The following SESTD1 variants were observed in gnomAD, a reference collection of about 807,000 sequenced individuals.
The protein encoded by SESTD1 is SEC14 domain and spectrin repeat-containing protein 1.
In SESTD1, 43 loss-of-function variants were observed where a neutral mutation model predicts 101.7. That is an observed-to-expected ratio of 0.42 (90% CI 0.33 to 0.55). The LOEUF is 0.55. Among genes scored for constraint, SESTD1 ranks in the 20% least tolerant of loss-of-function variants. The pLI is 0.07. For synonymous variants in SESTD1, 283 were observed against 286.8 expected (o/e 0.99, Z 0.13); for missense variants, 647 against 815.1 (o/e 0.79, Z 2.51).
intron 5 of SESTD1, 116 bp from the exon 6 acceptor site, chr2:179,151,507 C>T: frequency 1.8e-6 from 1 of 555,228 alleles, no homozygotes; most frequent in Non-Finnish European, 3.0e-6. Flanking sequence ...CATGATGACA[C>T]ATTATCATTT....
At chr2:179,200,844 T>TG (rs2046498502) in intron 1 of SESTD1, among the ~76,000 whole-genome samples, 2 of 134,320 alleles carry the variant, frequency 1.5e-5, no homozygotes, top group Admixed American at 1.4e-4. Context: ...GGCATTACCA[T>TG]TCAGGACATA....
chr2:179,221,985 A>G (rs189697882), intron 1 of SESTD1, among the ~76,000 whole-genome samples: 22 of 152,320 alleles, frequency 1.4e-4, no homozygotes, highest in African/African-American at 4.6e-4. Flanking sequence ...CTACTGAAAC[A>G]ATAGAACATT....
chr2:179,246,005 G>C (rs1314436577), intron 1 of SESTD1, among the ~76,000 whole-genome samples: 1 of 151,986 alleles, frequency 6.6e-6, no homozygotes, highest in Non-Finnish European at 1.5e-5. Flanking sequence ...GCCTATAATC[G>C]CAACACTTTG....
intron 1 of SESTD1, among the ~76,000 whole-genome samples, chr2:179,216,835 T>G (rs1358108562): frequency 7.4e-6 from 1 of 135,464 alleles, no homozygotes; most frequent in Non-Finnish European, 1.6e-5. Context: ...ACCACACATC[T>G]ACAACCATCT....
chr2:179,192,083 T>C (rs2046327770), intron 1 of SESTD1, among the ~76,000 whole-genome samples: 1 of 152,144 alleles, frequency 6.6e-6, no homozygotes, highest in South Asian at 2.1e-4. Context: ...CCACCTCCCT[T>C]TCCCAGCTGT....
At chr2:179,182,342 T>C (rs2046128787) in intron 3 of SESTD1, among the ~76,000 whole-genome samples, 3 of 152,006 alleles carry the variant, frequency 2.0e-5, no homozygotes, top group Admixed American at 6.6e-5. Flanking sequence ...ACATTAGAAA[T>C]ACACAGGAAG....
intron 10 of SESTD1, among the ~76,000 whole-genome samples, chr2:179,126,081 A>G (rs780636622): frequency 6.6e-6 from 1 of 152,262 alleles, no homozygotes; most frequent in Non-Finnish European, 1.5e-5. Flanking sequence ...AATTTATTAA[A>G]CAATAAAATA....
At chr2:179,128,738 AAAAG>A (rs1004818603) in intron 10 of SESTD1, among the ~76,000 whole-genome samples, 18 of 151,708 alleles carry the variant, frequency 1.2e-4, no homozygotes, top group African/African-American at 3.6e-4. Flanking sequence ...AAAAAAAAAA[AAAAG>A]AAAAGAAAAA....
chr2:179,150,665 C>CA (rs1375224893), intron 6 of SESTD1, among the ~76,000 whole-genome samples: 3 of 151,886 alleles, frequency 2.0e-5, no homozygotes, highest in Non-Finnish European at 2.9e-5. Context: ...GCTAAAAATA[C>CA]AAAAATTAGC....
At chr2:179,156,476 C>T (rs528765223) in intron 5 of SESTD1, among the ~76,000 whole-genome samples, 1 of 152,280 alleles carries the variant, frequency 6.6e-6, no homozygotes, top group South Asian at 2.1e-4. Flanking sequence ...TCCCTGATCA[C>T]GGCATTCACG....
In SESTD1 at chr2:179,127,318, C is replaced by T. The variant is rs76426605; in HGVS notation, c.973-2760G>A. ...ATTAAATGTCATCTCCTCAGAGAGG[C>T]CTTTCCTAAAATCTATACCTATATT... On this transcript the variant is annotated intron_variant, in intron 10 of 17. Coordinates refer to ENST00000428443, the MANE Select transcript of SESTD1 (RefSeq NM_178123.5). Among the ~76,000 whole-genome samples, 427 of 152,314 alleles carry T rather than the reference C, an allele frequency of 2.8e-3. 2 individuals carry two copies. The highest frequency in any genetic ancestry group is 1.0e-2 in the African/African-American group (414 of 41,568).
At chr2:179,153,236 T>G (rs1300277606) in intron 5 of SESTD1, among the ~76,000 whole-genome samples, 3 of 152,136 alleles carry the variant, frequency 2.0e-5, no homozygotes, top group African/African-American at 4.8e-5. Context: ...CATTAGATTC[T>G]TTATGTTTTC....
intron 1 of SESTD1, among the ~76,000 whole-genome samples, chr2:179,256,138 A>T (rs186818169): frequency 6.6e-6 from 1 of 152,378 alleles, no homozygotes; most frequent in East Asian, 1.9e-4. Flanking sequence ...TGCTGACACA[A>T]AAGTCATTCT....
intron 10 of SESTD1, among the ~76,000 whole-genome samples, chr2:179,128,727 CAAAAAAAA>C (rs747412908): frequency 1.4e-5 from 1 of 73,704 alleles, no homozygotes; most frequent in Admixed American, 1.6e-4. Context: ...GACACTGTCT[CAAAAAAAA>C]AAAAAAGAAA....
At chr2:179,245,456 C>A (rs1436964368) in intron 1 of SESTD1, among the ~76,000 whole-genome samples, 1 of 137,410 alleles carries the variant, frequency 7.3e-6, no homozygotes, top group Non-Finnish European at 1.5e-5. Context: ...AGGGAGGTTG[C>A]AGTGAGCCGA....
At chr2:179,144,840 T>C (rs1278709309) in intron 8 of SESTD1, among the ~76,000 whole-genome samples, 1 of 151,912 alleles carries the variant, frequency 6.6e-6, no homozygotes, top group Non-Finnish European at 1.5e-5. Context: ...AAATTTACAA[T>C]AGAAATTGTA....
intron 2 of SESTD1, among the ~76,000 whole-genome samples, chr2:179,185,744 A>ACAATATATAATATAGCATATACAATATG (rs2046214659): frequency 7.8e-6 from 1 of 128,468 alleles, no homozygotes; most frequent in Non-Finnish European, 1.5e-5. Context: ...AATATAATAT[A>ACAATATATAATATAGCATATACAATATG]GTATATTATA....
chr2:179,227,951 T>C (rs1328141538), intron 1 of SESTD1, among the ~76,000 whole-genome samples: 1 of 152,134 alleles, frequency 6.6e-6, no homozygotes, highest in African/African-American at 2.4e-5. Context: ...TATGGGGTGA[T>C]ATGCCAAAAT....
intron 1 of SESTD1, among the ~76,000 whole-genome samples, chr2:179,239,225 GAATA>G (rs2047113308): frequency 6.6e-6 from 1 of 152,082 alleles, no homozygotes; most frequent in African/African-American, 2.4e-5. Flanking sequence ...TTAAAAAAAT[GAATA>G]GAGAATTTTT....
Sources: allele counts gnomAD v4.1 joint callset (sites outside exome capture counted in the v4.1 genomes callset), GRCh38; gene constraint gnomAD v4.1.1; transcripts MANE v1.5; gene names NCBI Gene and HGNC (gene_info 2026-07-23, HGNC 2026-07-21).